SIPA1L3: variants seen among roughly 807,000 people sequenced by gnomAD.
SIPA1L3 encodes signal-induced proliferation-associated 1-like protein 3.
SIPA1L3 carries 59 observed loss-of-function variants against 150.1 expected under a neutral mutation model. The observed-to-expected ratio is 0.39, with a 90% CI of 0.32 to 0.49. The LOEUF (loss-of-function observed/expected upper bound fraction) is 0.49. Among genes scored for constraint, SIPA1L3 ranks in the 20% least tolerant of loss-of-function variants. The pLI is 0.86. For synonymous variants in SIPA1L3, 1,070 were observed against 1,077.6 expected, an observed-to-expected ratio of 0.99 and a Z score of 0.14; for missense variants, 2,211 against 2,489.5, an observed-to-expected ratio of 0.89 and a Z score of 2.38.
Position 38,081,250 on chromosome 19 carries a change from T to C in SIPA1L3, c.-310-6T>C, listed in dbSNP as rs1969970357. On this transcript the variant is annotated splice_region_variant and splice_polypyrimidine_tract_variant and intron_variant, in intron 2 of 21. Transcript: ENST00000222345. ...CAGCTCATATTTTCCTTTTCTTCCATTTCAGCATGGCGAGGACAACATCCT... is the reference window on the plus strand; with the variant it reads ...CAGCTCATATTTTCCTTTTCTTCCACTTCAGCATGGCGAGGACAACATCCT... The C allele has an allele frequency of 2.0e-5, 8 of 409,374 alleles. 1 individual carries two copies. The South Asian group carries it at 8.9e-4, about 45-fold the overall frequency. 25.4% of individuals were successfully genotyped at this position (409,374 alleles called of 1,614,324 possible).
intron 2 of SIPA1L3, among the ~76,000 whole-genome samples, chr19:38,064,402 A>T (rs927680728): frequency 6.6e-6 from 1 of 152,232 alleles, no homozygotes; most frequent in African/African-American, 2.4e-5. Flanking sequence ...ATTATTATAT[A>T]AGAAAAAATG....
At chr19:38,016,108 A>G (rs1421430546) in intron 1 of SIPA1L3, among the ~76,000 whole-genome samples, 1 of 152,176 alleles carries the variant, frequency 6.6e-6, no homozygotes, top group East Asian at 1.9e-4. Flanking sequence ...CAAAGATAAA[A>G]TGATTTAGAA....
At chr19:38,102,340 T>G (rs1166597683) in intron 6 of SIPA1L3, among the ~76,000 whole-genome samples, 2 of 151,512 alleles carry the variant, frequency 1.3e-5, no homozygotes, top group South Asian at 4.2e-4. Context: ...CCACCACACC[T>G]GGCCAATTAT....
intron 1 of SIPA1L3, among the ~76,000 whole-genome samples, chr19:37,929,307 G>A (rs2046532761): frequency 6.6e-6 from 1 of 152,200 alleles, no homozygotes; most frequent in Admixed American, 6.5e-5. Context: ...GAAAGGGGGA[G>A]GGATATTGGG....
At chr19:38,063,767 C>A (rs999650044) in intron 2 of SIPA1L3, among the ~76,000 whole-genome samples, 4 of 152,198 alleles carry the variant, frequency 2.6e-5, no homozygotes, top group African/African-American at 9.6e-5. Flanking sequence ...AGTGTTCCCC[C>A]CATGATGATA....
At chr19:37,974,070 G>A (rs1684181248) in intron 1 of SIPA1L3, among the ~76,000 whole-genome samples, 2 of 152,208 alleles carry the variant, frequency 1.3e-5, no homozygotes, top group Admixed American at 6.5e-5. Flanking sequence ...AGGCTGAAGG[G>A]TCATGATGCT....
intron 1 of SIPA1L3, among the ~76,000 whole-genome samples, chr19:38,007,708 C>T (rs924963931): frequency 1.1e-4 from 16 of 151,892 alleles, no homozygotes; most frequent in African/African-American, 3.6e-4. Context: ...ATTTTCCATA[C>T]CAGGCACTGT....
intron 2 of SIPA1L3, among the ~76,000 whole-genome samples, chr19:38,072,385 T>C (rs1969743667): frequency 6.6e-6 from 1 of 152,240 alleles, no homozygotes; most frequent in Non-Finnish European, 1.5e-5. Flanking sequence ...TTCATTGTTG[T>C]TTTGTTTTAT....
chr19:38,095,655 G>C (rs1970361904), intron 4 of SIPA1L3, among the ~76,000 whole-genome samples: 2 of 152,186 alleles, frequency 1.3e-5, no homozygotes, highest in South Asian at 4.1e-4. Context: ...GCAGGGGCAG[G>C]GAGACCTGGA....
At chr19:37,946,494 T>A (rs903490796) in intron 1 of SIPA1L3, among the ~76,000 whole-genome samples, 1 of 152,250 alleles carries the variant, frequency 6.6e-6, no homozygotes, top group African/African-American at 2.4e-5. Context: ...ACTAATAATT[T>A]ACATTTATTT....
At chr19:38,178,092 T>TGG (rs1568594693) in intron 15 of SIPA1L3, among the ~76,000 whole-genome samples, 11 of 20,376 alleles carry the variant, frequency 5.4e-4, no homozygotes, top group African/African-American at 1.9e-3. Context: ...TTTTGGTGTG[T>TGG]GTGTGTGTGT....
chr19:38,182,031 A>T (rs532113196), intron 15 of SIPA1L3, among the ~76,000 whole-genome samples: 10 of 149,832 alleles, frequency 6.7e-5, no homozygotes, highest in African/African-American at 2.5e-4. Context: ...AGTCCCAGCT[A>T]CTCGGAGGCT....
At chr19:37,995,256 G>C (rs1220142523) in intron 1 of SIPA1L3, among the ~76,000 whole-genome samples, 2 of 152,154 alleles carry the variant, frequency 1.3e-5, no homozygotes, top group African/African-American at 2.4e-5. Context: ...AAGAGACAGG[G>C]GATGGCAGTG....
At chr19:37,958,113 A>G (rs2046827063) in intron 1 of SIPA1L3, among the ~76,000 whole-genome samples, 1 of 152,156 alleles carries the variant, frequency 6.6e-6, no homozygotes, top group African/African-American at 2.4e-5. Context: ...TTTTGAAATA[A>G]TTTCAGTCTC....
chr19:38,054,920 C>G (rs10421137), intron 2 of SIPA1L3, among the ~76,000 whole-genome samples: 61,396 of 152,006 alleles, frequency 0.4, 13,973 homozygotes, highest in African/African-American at 0.62. Flanking sequence ...TCCATGTTCC[C>G]GGGAGCCCCT....
At chr19:38,140,129 G>A (rs1054154322) in intron 10 of SIPA1L3, among the ~76,000 whole-genome samples, 1 of 152,154 alleles carries the variant, frequency 6.6e-6, no homozygotes, top group Admixed American at 6.5e-5. Context: ...GGGAATTCAG[G>A]AGACACTCAG....
At chr19:38,197,626 G>A (rs572560780) in intron 18 of SIPA1L3, among the ~76,000 whole-genome samples, 92 of 151,880 alleles carry the variant, frequency 6.1e-4, no homozygotes, top group East Asian at 3.7e-3. Flanking sequence ...CATCTCCACC[G>A]AGCACCTCCA....
chr19:38,159,827 C>T (rs1354728754), intron 13 of SIPA1L3, among the ~76,000 whole-genome samples: 1 of 152,184 alleles, frequency 6.6e-6, no homozygotes, highest in Non-Finnish European at 1.5e-5. Flanking sequence ...TGACACAGAA[C>T]ACACGCTTAA....
chr19:38,130,593 C>T lies in SIPA1L3; in HGVS notation c.2964C>T (p.Ala988=), dbSNP rs201730879. 8 of 1,613,750 alleles carry T rather than the reference C, an allele frequency of 5.0e-6. No homozygotes were observed. Among genetic ancestry groups the T allele is most frequent in the East Asian group, 2.2e-5 (1 of 44,874 alleles). ...GFHVKYDGTV[A]EVEDYGFAWQ... ...ACGTGAAGTACGACGGCACGGTGGC[C>T]GAGGTTGAGGACTATGGGTTCGCCT... Residue 988 remains alanine (A), a synonymous_variant, in exon 10 of 22, where the codon GCC becomes GCT. Transcript: ENST00000222345.
Sources: gnomAD v4.1 joint callset for allele counts (sites outside exome capture counted in the v4.1 genomes callset) on GRCh38, gnomAD v4.1.1 for gene constraint, MANE v1.5 for transcripts, NCBI Gene and HGNC (gene_info 2026-07-23, HGNC 2026-07-21) for gene names.